FXR1: variants seen among roughly 807,000 people sequenced by gnomAD.
The protein encoded by FXR1 is RNA-binding protein FXR1.
In FXR1, 15 loss-of-function variants were observed where a neutral mutation model predicts 84.0. That is an observed-to-expected ratio of 0.18 (90% CI 0.12 to 0.27). FXR1 has a LOEUF of 0.27. FXR1 is among the 10% of genes least tolerant of loss of function. The pLI is 1.00. For synonymous variants in FXR1, 245 were observed against 250.7 expected, an observed-to-expected ratio of 0.98 and a Z score of 0.21; for missense variants, 480 against 774.4, an observed-to-expected ratio of 0.62 and a Z score of 4.51.
chr3:180,952,512 A>ATG (rs927931477), intron 8 of FXR1, among the ~76,000 whole-genome samples: 14 of 151,896 alleles, frequency 9.2e-5, no homozygotes, highest in Non-Finnish European at 1.8e-4. Flanking sequence ...AGCTATGATC[A>ATG]TGCCATTGTC....
chr3:180,913,331 G>A (rs145429390), intron 1 of FXR1, among the ~76,000 whole-genome samples: 46 of 152,348 alleles, frequency 3.0e-4, no homozygotes, highest in African/African-American at 1.1e-3. Flanking sequence ...ACCTTGAATT[G>A]TGGCGGGTTG....
At position 180,979,511 on chromosome 3, in the gene FXR1, T is replaced by G. The variant is rs1274903512; in HGVS notation, c.*3219T>G. The G allele has an allele frequency of 6.6e-6, 1 of 152,142 alleles. No homozygotes were observed. Among genetic ancestry groups the G allele is most frequent in the African/African-American group, 2.4e-5 (1 of 41,450 alleles). 9.4% of individuals were successfully genotyped at this position (152,142 alleles called of 1,614,324 possible). A position where few individuals can be genotyped will look rare whatever the true frequency, so the allele number is the denominator to read the frequency against. ...ATTTGGATCCCTTACGCTTTTTCGT[T>G]AAGAATATCTGTCTGCTATAGTGAA... On this transcript the variant is annotated 3_prime_UTR_variant, in exon 17 of 17. Transcript: ENST00000357559.
At chr3:180,957,129 G>A (rs1015240489) in intron 9 of FXR1, among the ~76,000 whole-genome samples, 2 of 151,978 alleles carry the variant, frequency 1.3e-5, no homozygotes, top group Non-Finnish European at 2.9e-5. Context: ...AGAGCCTTTT[G>A]ACCCCTTTAT....
At chr3:180,935,049 T>C (rs1720360182) in intron 2 of FXR1, 89 bp from the exon 3 acceptor site, 5 of 630,286 alleles carry the variant, frequency 7.9e-6, no homozygotes, top group Non-Finnish European at 1.4e-5. Context: ...TAGGGAAAGC[T>C]AAATGATAAA....
chr3:180,943,979 C>T (rs574572061), intron 3 of FXR1, among the ~76,000 whole-genome samples: 2 of 151,920 alleles, frequency 1.3e-5, no homozygotes, highest in East Asian at 1.9e-4. Flanking sequence ...GGCAATGGCG[C>T]GATCTCAGCT....
rs1722456950 is a variant in FXR1, at chr3:180,953,679, CTTTTCTCATCTTCTTG to C, written c.802-78_802-63del. On this transcript the variant is annotated intron_variant, in intron 8 of 16. Transcript: ENST00000357559. ...AGAACATAATCATTCAGAATTTTCT[CTTTTCTCATCTTCTTG>C]TTTTGGATTATGGGTTGCTCCGAGA... 5.7e-6 allele frequency: 4 copies of C among 699,158 alleles called. No homozygotes were observed. In the South Asian group the frequency reaches 7.3e-5, roughly 13 times the overall value. The allele number at this position is 699,158 out of a possible 1,614,324, so 43.3% of individuals were successfully genotyped here. A position where few individuals can be genotyped will look rare whatever the true frequency, so the allele number is the denominator to read the frequency against.
intron 9 of FXR1, 193 bp downstream of exon 9, chr3:180,954,033 G>A (rs1224727140): frequency 1.9e-6 from 1 of 519,844 alleles, no homozygotes; most frequent in Non-Finnish European, 3.4e-6. Context: ...ATGTTAAAAA[G>A]TAAAGATGTT....
intron 10 of FXR1, 60 bp from the exon 11 acceptor site, chr3:180,961,408 T>G: frequency 1.3e-6 from 1 of 791,848 alleles, no homozygotes; most frequent in South Asian, 1.6e-5. Flanking sequence ...TCATGTCACT[T>G]TTAGGCTAGA....
intron 3 of FXR1, among the ~76,000 whole-genome samples, chr3:180,946,852 C>T (rs540761122): frequency 6.6e-6 from 1 of 152,218 alleles, no homozygotes; most frequent in South Asian, 2.1e-4. Context: ...GACAGTCAAT[C>T]TTGGTTTTTA....
At chr3:180,957,111 A>C (rs1722815816) in intron 9 of FXR1, among the ~76,000 whole-genome samples, 1 of 152,188 alleles carries the variant, frequency 6.6e-6, no homozygotes, top group Admixed American at 6.5e-5. Context: ...ATAGTCCTTT[A>C]GGGAAAGAGA....
intron 3 of FXR1, among the ~76,000 whole-genome samples, chr3:180,945,772 G>C (rs897524481): frequency 6.6e-6 from 1 of 152,176 alleles, no homozygotes; most frequent in Admixed American, 6.5e-5. Context: ...AGGATGATCT[G>C]GGTTCTTGTT....
chr3:180,933,050 A>C, intron 1 of FXR1: 1 of 335,256 alleles, frequency 3.0e-6, no homozygotes, highest in South Asian at 4.5e-5. Flanking sequence ...AATACTAAAT[A>C]ACTGCCTTGC....
rs1560164955 is a variant in FXR1, at chr3:180,926,508, T to TA, written c.52-6826_52-6825insA. Among the ~76,000 whole-genome samples, 1,028 of 116,680 alleles carry TA rather than the reference T, an allele frequency of 8.8e-3. 5 individuals are homozygous for TA. The highest frequency in any genetic ancestry group is 0.012 in the Non-Finnish European group (588 of 50,428). The allele number at this position is 116,680 out of a possible 152,430, so 76.5% of individuals were successfully genotyped here. ...TATATATATATATATATATATATAT[T>TA]TTTTTTTCTGGCCTTTTGTTGGCAT... On this transcript the variant is annotated intron_variant, in intron 1 of 16. Coordinates refer to ENST00000357559, the MANE Select transcript of FXR1 (RefSeq NM_005087.4).
Position 180,961,456 on chromosome 3 carries a change from T to TG in FXR1, c.991-12_991-11insG, listed in dbSNP as rs780174852. ...TATTAAACACTGAATACTTTTTTTT[T>TG]TTTTTAAACAGGGTATGGTTCCATT... is the stretch of plus-strand genomic sequence containing the variant. On this transcript the variant is annotated splice_polypyrimidine_tract_variant and intron_variant, in intron 10 of 16. Transcript: ENST00000357559. 1 of 1,438,918 alleles carries TG rather than the reference T, an allele frequency of 6.9e-7. No homozygotes were observed. The highest frequency in any genetic ancestry group is 9.7e-7 in the Non-Finnish European group (1 of 1,029,060). The allele number at this position is 1,438,918 out of a possible 1,614,324, so 89.1% of individuals were successfully genotyped here. A position where few individuals can be genotyped will look rare whatever the true frequency, so the allele number is the denominator to read the frequency against.
chr3:180,982,078 T>TA lies in FXR1; in HGVS notation c.*5788dup, dbSNP rs1714636431. On this transcript the variant is annotated 3_prime_UTR_variant, in exon 17 of 17. Transcript: ENST00000357559. The stretch of plus-strand genomic sequence containing the variant: ...TTGTGAAGGCCATAGTACAAAAAGT[T>TA]AAGAGAACGGAACTCAGGATCTGAG... The TA allele has an allele frequency of 6.6e-6, 1 of 152,024 alleles. No individual in the cohort carries two copies. Among genetic ancestry groups the TA allele is most frequent in the Non-Finnish European group, 1.5e-5 (1 of 67,942 alleles). The allele number at this position is 152,024 out of a possible 1,614,324, so 9.4% of individuals were successfully genotyped here.
At chr3:180,948,227 G>A in intron 4 of FXR1, 120 bp from the exon 5 acceptor site, 2 of 696,100 alleles carry the variant, frequency 2.9e-6, no homozygotes, top group Non-Finnish European at 4.9e-6. Flanking sequence ...GCTGTGCTTA[G>A]TATTTTATGC....
intron 1 of FXR1, among the ~76,000 whole-genome samples, chr3:180,926,500 A>T (rs796130001): frequency 5.1e-3 from 264 of 51,818 alleles, no homozygotes; most frequent in African/African-American, 0.028. Context: ...ATATATATAT[A>T]TATATATTTT....
At position 180,976,401 on chromosome 3, in the gene FXR1, A is replaced by C. The variant is rs1577015370; in HGVS notation, c.*109A>C. 5.8e-5 allele frequency: 40 copies of C among 685,580 alleles called. No homozygotes were observed. In the East Asian group the frequency reaches 1.1e-3, roughly 19 times the overall value. The allele number at this position is 685,580 out of a possible 1,614,324, so 42.5% of individuals were successfully genotyped here. A position where few individuals can be genotyped will look rare whatever the true frequency, so the allele number is the denominator to read the frequency against. On this transcript the variant is annotated 3_prime_UTR_variant, in exon 17 of 17. Transcript: ENST00000357559. ...TCGCCAGTCTTTACATCGCACTTTC[A>C]GTTCCTCCATTTGGAATTCAAAAAG...
At chr3:180,946,578 G>T (rs1721716669) in intron 3 of FXR1, among the ~76,000 whole-genome samples, 1 of 152,166 alleles carries the variant, frequency 6.6e-6, no homozygotes, top group African/African-American at 2.4e-5. Context: ...AGCTAAAATT[G>T]AGTTTAACGG....
Sources: gnomAD v4.1 joint callset for allele counts (sites outside exome capture counted in the v4.1 genomes callset) on GRCh38, gnomAD v4.1.1 for gene constraint, MANE v1.5 for transcripts, NCBI Gene and HGNC (gene_info 2026-07-23, HGNC 2026-07-21) for gene names.